DLGAP1: variants seen among roughly 807,000 people sequenced by gnomAD.
DLGAP1 encodes the protein disks large-associated protein 1.
Under a neutral mutation model 90.8 loss-of-function variants are expected in DLGAP1, and 11 were observed. The observed-to-expected ratio is 0.12, with a 90% CI of 0.08 to 0.20. The LOEUF is 0.20. Among genes scored for constraint, DLGAP1 ranks in the 10% least tolerant of loss-of-function variants. The pLI is 1.00. For synonymous variants in DLGAP1, 558 were observed against 540.7 expected, an observed-to-expected ratio of 1.03 and a Z score of -0.44; for missense variants, 1,050 against 1,333.8, an observed-to-expected ratio of 0.79 and a Z score of 3.31.
chr18:3,901,194 G>A (rs935080269), intron 3 of DLGAP1, among the ~76,000 whole-genome samples: 7 of 151,750 alleles, frequency 4.6e-5, no homozygotes, highest in Non-Finnish European at 5.9e-5. Context: ...TGGTGCTTAC[G>A]TCCTCCACTT....
intron 2 of DLGAP1, among the ~76,000 whole-genome samples, chr18:4,069,235 T>C (rs2075411876): frequency 6.6e-6 from 1 of 152,200 alleles, no homozygotes; most frequent in African/African-American, 2.4e-5. Context: ...AAGCACTTGG[T>C]TCATAGTCAG....
At chr18:3,927,312 G>A (rs796214455) in intron 3 of DLGAP1, among the ~76,000 whole-genome samples, 12 of 152,282 alleles carry the variant, frequency 7.9e-5, no homozygotes, top group African/African-American at 2.4e-4. Flanking sequence ...TTGTCATCTC[G>A]CCTAAGTGCT....
At chr18:4,178,636 TAG>T (rs2077158231) in intron 1 of DLGAP1, among the ~76,000 whole-genome samples, 1 of 152,144 alleles carries the variant, frequency 6.6e-6, no homozygotes, top group Non-Finnish European at 1.5e-5. Flanking sequence ...TGACACTCAC[TAG>T]AGTTTAGAAT....
At chr18:3,639,687 G>A (rs920199742) in intron 7 of DLGAP1, among the ~76,000 whole-genome samples, 52 of 151,292 alleles carry the variant, frequency 3.4e-4, no homozygotes, top group Admixed American at 1.3e-4. Context: ...AGATGATGAT[G>A]AAGTAACAGT....
intron 3 of DLGAP1, among the ~76,000 whole-genome samples, chr18:3,929,753 A>G (rs1346831978): frequency 6.6e-6 from 1 of 152,196 alleles, no homozygotes; most frequent in Non-Finnish European, 1.5e-5. Context: ...TTTAAATTCT[A>G]TGCTGTGGAT....
At chr18:4,101,328 G>A (rs943947139) in intron 2 of DLGAP1, among the ~76,000 whole-genome samples, 3 of 152,098 alleles carry the variant, frequency 2.0e-5, no homozygotes, top group Non-Finnish European at 2.9e-5. Context: ...GTGAATGGAG[G>A]AGTCCGAACA....
chr18:4,239,691 A>G (rs1340436202), intron 1 of DLGAP1, among the ~76,000 whole-genome samples: 5 of 152,218 alleles, frequency 3.3e-5, no homozygotes, highest in Non-Finnish European at 5.9e-5. Flanking sequence ...ATGAGATGCT[A>G]AACAAAGTGT....
chr18:3,946,135 T>TA (rs1346037231), intron 3 of DLGAP1, among the ~76,000 whole-genome samples: 1 of 152,050 alleles, frequency 6.6e-6, no homozygotes, highest in African/African-American at 2.4e-5. Context: ...TTTTTTTTTT[T>TA]ACCTTGAGTC....
chr18:3,811,460 C>T (rs998227568), intron 5 of DLGAP1, among the ~76,000 whole-genome samples: 1 of 152,150 alleles, frequency 6.6e-6, no homozygotes. Flanking sequence ...TGCCAAAGAA[C>T]AGGGGACAAC....
At chr18:4,253,362 G>T (rs1164028001) in intron 1 of DLGAP1, among the ~76,000 whole-genome samples, 2 of 152,112 alleles carry the variant, frequency 1.3e-5, no homozygotes, top group Non-Finnish European at 2.9e-5. Context: ...TGAAATATTT[G>T]AACATAGTAA....
chr18:4,092,274 G>C (rs758412839), intron 2 of DLGAP1, among the ~76,000 whole-genome samples: 2 of 152,162 alleles, frequency 1.3e-5, no homozygotes, highest in Non-Finnish European at 2.9e-5. Context: ...GAGTGCCATT[G>C]CTTGTTACCT....
At chr18:3,798,065 CT>C (rs1473212156) in intron 5 of DLGAP1, among the ~76,000 whole-genome samples, 4 of 152,194 alleles carry the variant, frequency 2.6e-5, no homozygotes, top group Non-Finnish European at 4.4e-5. Context: ...CATTAAACCT[CT>C]TTTTCTTTAT....
At chr18:3,735,791 A>G (rs925954401) in intron 6 of DLGAP1, among the ~76,000 whole-genome samples, 26 of 152,156 alleles carry the variant, frequency 1.7e-4, no homozygotes, top group Admixed American at 7.9e-4. Flanking sequence ...TGTTAATACT[A>G]CTATTACTAG....
At chr18:4,430,366 T>A (rs1356315822) in intron 1 of DLGAP1, among the ~76,000 whole-genome samples, 1 of 152,196 alleles carries the variant, frequency 6.6e-6, no homozygotes, top group Non-Finnish European at 1.5e-5. Flanking sequence ...ATCCCAGTTT[T>A]TATACAGTCA....
At chr18:4,007,041 G>C (rs146108831) in intron 2 of DLGAP1, among the ~76,000 whole-genome samples, 129 of 152,332 alleles carry the variant, frequency 8.5e-4, no homozygotes, top group African/African-American at 2.7e-3. Flanking sequence ...GTAGTGAGGA[G>C]TGAATGGGAT....
At chr18:4,418,832 C>T (rs1002555328) in intron 1 of DLGAP1, among the ~76,000 whole-genome samples, 1 of 140,246 alleles carries the variant, frequency 7.1e-6, no homozygotes, top group African/African-American at 2.6e-5. Flanking sequence ...AAATTAAAGA[C>T]AAACACCAAA....
intron 3 of DLGAP1, among the ~76,000 whole-genome samples, chr18:3,898,035 C>T (rs1355256744): frequency 1.3e-5 from 2 of 151,862 alleles, no homozygotes; most frequent in East Asian, 1.9e-4. Context: ...ACCTCGTGAT[C>T]CGCCCGCCTT....
At chr18:3,864,799 GGC>G (rs1252705160) in intron 4 of DLGAP1, among the ~76,000 whole-genome samples, 7 of 152,214 alleles carry the variant, frequency 4.6e-5, no homozygotes, top group African/African-American at 1.7e-4. Context: ...CCTCTAAGGT[GGC>G]ACATGTAACT....
intron 8 of DLGAP1, chr18:3,571,086 T>C (rs2054755653): frequency 1.3e-5 from 2 of 152,042 alleles, no homozygotes; most frequent in Admixed American, 6.6e-5. Context: ...GGAATTTTTA[T>C]TGGAATTTCT....
Sources: gnomAD v4.1 joint callset for allele counts (sites outside exome capture counted in the v4.1 genomes callset) on GRCh38, gnomAD v4.1.1 for gene constraint, MANE v1.5 for transcripts, NCBI Gene and HGNC (gene_info 2026-07-23, HGNC 2026-07-21) for gene names.